Variants in TSG101 observed in about 807,000 individuals in gnomAD.
TSG101 encodes tumor susceptibility 101, also known as tumor susceptibility gene 101 protein.
Under a neutral mutation model 48.5 loss-of-function variants are expected in TSG101, and 19 were observed. The observed-to-expected ratio is 0.39, with a 90% confidence interval of 0.27 to 0.58. The LOEUF is 0.58. Among genes scored for constraint, TSG101 ranks in the 20% least tolerant of loss-of-function variants. TSG101 has a pLI of 0.55. For synonymous variants in TSG101, 174 were observed against 169.4 expected (o/e 1.03, Z -0.21); for missense variants, 365 against 484.4 (o/e 0.75, Z 2.31).
intron 8 of TSG101, 96 bp downstream of exon 8, chr11:18,483,774 C>T (rs1385837703): frequency 2.3e-6 from 3 of 1,315,228 alleles, no homozygotes; most frequent in African/African-American, 2.9e-5. Context: ...ATTTTCTGAA[C>T]TCCTACTATG....
intron 7 of TSG101, among the ~76,000 whole-genome samples, chr11:18,497,452 G>A (rs1277368030): frequency 6.6e-6 from 1 of 152,084 alleles, no homozygotes; most frequent in East Asian, 1.9e-4. Flanking sequence ...TAGTTGATTT[G>A]ATTACCCGTT....
intron 7 of TSG101, among the ~76,000 whole-genome samples, chr11:18,493,795 C>T (rs1020032950): frequency 2.0e-5 from 3 of 152,216 alleles, no homozygotes; most frequent in Admixed American, 2.0e-4. Flanking sequence ...GAGTTCTGAT[C>T]TGTGCTATTA....
Position 18,526,849 on chromosome 11 carries a change from C to G in TSG101, c.-33G>C. ...GCCTGGCGACTCCCTTCCCCGCAGG[C>G]AGAGGGTCAGCCGCTGCTGGGCTGC... On this transcript the variant is annotated 5_prime_UTR_variant, in exon 1 of 10. Transcript: ENST00000251968. 6.3e-7 allele frequency: 1 copy of G among 1,593,704 alleles called. No homozygotes were observed. Among genetic ancestry groups the G allele is most frequent in the Non-Finnish European group, 8.5e-7 (1 of 1,176,284 alleles).
intron 4 of TSG101, among the ~76,000 whole-genome samples, chr11:18,513,951 C>T (rs982079329): frequency 9.2e-5 from 14 of 151,970 alleles, no homozygotes; most frequent in African/African-American, 2.9e-4. Context: ...TGGTGGTGGG[C>T]GCCTGTAATC....
intron 8 of TSG101, among the ~76,000 whole-genome samples, chr11:18,482,499 AAC>A (rs1413800603): frequency 6.6e-6 from 1 of 152,204 alleles, no homozygotes; most frequent in Admixed American, 6.5e-5. Flanking sequence ...TTCCATCAAA[AAC>A]ACACATTTAC....
In TSG101 at chr11:18,489,924, C is replaced by T. The variant is rs1339547851; in HGVS notation, c.641-5852G>A. On this transcript the variant is annotated intron_variant, in intron 7 of 9. Coordinates refer to ENST00000251968, the MANE Select transcript of TSG101 (RefSeq NM_006292.4). ...CCAAAAAGTTACACATAATTCAGGT[C>T]TATTTTTTCTACAAGTAAGAGTTTT... Among the ~76,000 whole-genome samples, 3 of 152,274 alleles carry T rather than the reference C, an allele frequency of 2.0e-5. No individual in the cohort carries two copies. The East Asian group carries it at 5.8e-4, about 29-fold the overall frequency.
chr11:18,501,415 G>A (rs1849885295), intron 7 of TSG101, among the ~76,000 whole-genome samples: 1 of 152,192 alleles, frequency 6.6e-6, no homozygotes, highest in Non-Finnish European at 1.5e-5. Flanking sequence ...CTGAAAATCA[G>A]TTGGCTGTAA....
intron 6 of TSG101, among the ~76,000 whole-genome samples, chr11:18,504,219 A>G (rs1205042799): frequency 1.3e-5 from 2 of 151,724 alleles, no homozygotes; most frequent in Non-Finnish European, 2.9e-5. Flanking sequence ...AAAAAAAAAA[A>G]AAGCTAGCCT....
intron 1 of TSG101, among the ~76,000 whole-genome samples, chr11:18,523,778 A>G (rs544522225): frequency 6.1e-4 from 93 of 152,332 alleles, no homozygotes; most frequent in African/African-American, 2.1e-3. Context: ...CTGAGATTAC[A>G]GGCATGAGCC....
In TSG101 at chr11:18,500,431, A is replaced by G. The variant is rs1849869850; in HGVS notation, c.640+2055T>C. On this transcript the variant is annotated intron_variant, in intron 7 of 9. Coordinates refer to ENST00000251968, the MANE Select transcript of TSG101 (RefSeq NM_006292.4). ...GTTTTCCATAGTGGCTTTAATTTACATTCCCACCAACATTGTATAAGTTCC... is the reference window on the plus strand; with the variant it reads ...GTTTTCCATAGTGGCTTTAATTTACGTTCCCACCAACATTGTATAAGTTCC... Among the ~76,000 whole-genome samples, 2 of 152,262 alleles carry G rather than the reference A, an allele frequency of 1.3e-5. 1 individual carries two copies. Among genetic ancestry groups the G allele is most frequent in the Admixed American group, 1.3e-4 (2 of 15,290 alleles).
intron 6 of TSG101, among the ~76,000 whole-genome samples, chr11:18,503,473 C>A (rs1457315967): frequency 6.6e-6 from 1 of 150,804 alleles, no homozygotes; most frequent in African/African-American, 2.4e-5. Flanking sequence ...CCTGGGTTCA[C>A]GCCATTCTCC....
At chr11:18,526,193 T>G (rs1445476764) in intron 1 of TSG101, among the ~76,000 whole-genome samples, 2 of 150,970 alleles carry the variant, frequency 1.3e-5, no homozygotes, top group African/African-American at 4.9e-5. Flanking sequence ...TCAAAGCAAA[T>G]AAATACGCGT....
rs147795922 is a variant in TSG101 at position 18,509,571 on chromosome 11, G to A, written c.452C>T (p.Pro151Leu). Residue 151 changes from proline (P) to leucine (L), a missense_variant, in exon 5 of 10, where the codon CCG becomes CTG. By Grantham distance (98) the Pro-to-Leu change is moderately conservative. Transcript: ENST00000251968. ...VFSRPISASY[P>L]PYQATGPPNT... ...TGGTGGCCCCGTTGCCTGGTATGGC[G>A]GATAGGATGCCGAAATAGGACGAGA... is the stretch of plus-strand genomic sequence containing the variant. 102 of 1,613,722 alleles carry A rather than the reference G, an allele frequency of 6.3e-5. No individual in the cohort carries two copies. The highest frequency in any genetic ancestry group is 5.3e-4 in the African/African-American group (40 of 75,016).
intron 7 of TSG101, among the ~76,000 whole-genome samples, chr11:18,499,188 C>A (rs1849831731): frequency 7.9e-6 from 1 of 127,206 alleles, no homozygotes; most frequent in African/African-American, 2.9e-5. Flanking sequence ...GAAGAGGATT[C>A]TTTTTTAAAT....
At chr11:18,480,719 G>T in intron 9 of TSG101, 84 bp from the exon 10 acceptor site, 1 of 1,286,560 alleles carries the variant, frequency 7.8e-7, no homozygotes, top group Non-Finnish European at 1.1e-6. Context: ...AACCTAGATG[G>T]GATCTAAGAA....
chr11:18,487,544 T>G (rs1849637788), intron 7 of TSG101, among the ~76,000 whole-genome samples: 1 of 152,220 alleles, frequency 6.6e-6, no homozygotes, highest in Non-Finnish European at 1.5e-5. Context: ...AAATTTTTTT[T>G]CTAGTAGAGA....
chr11:18,509,384 T>C (rs1402023195), intron 5 of TSG101, among the ~76,000 whole-genome samples, 158 bp downstream of exon 5: 1 of 152,246 alleles, frequency 6.6e-6, no homozygotes, highest in African/African-American at 2.4e-5. Context: ...GGTGGGAATC[T>C]GTACATGCAG....
chr11:18,521,669 C>CTTTTT (rs1565096217), intron 1 of TSG101, among the ~76,000 whole-genome samples: 2 of 111,440 alleles, frequency 1.8e-5, no homozygotes, highest in Admixed American at 1.1e-4. Flanking sequence ...CTGGCCCCTT[C>CTTTTT]CTTTTTTTTT....
chr11:18,526,750 G>A (rs750491486), intron 1 of TSG101, 25 bp downstream of exon 1: 6 of 1,598,264 alleles, frequency 3.8e-6, no homozygotes, highest in South Asian at 2.2e-5. Flanking sequence ...GCGCGCCCTG[G>A]GAGGCGAGCG....
Sources: allele counts gnomAD v4.1 joint callset (sites outside exome capture counted in the v4.1 genomes callset), GRCh38; gene constraint gnomAD v4.1.1; transcripts MANE v1.5; gene names NCBI Gene and HGNC (gene_info 2026-07-23, HGNC 2026-07-21).